COL19A1: variants seen among roughly 807,000 people sequenced by gnomAD.
The protein encoded by COL19A1 is collagen type XIX alpha 1 chain.
COL19A1 carries 159 observed loss-of-function variants against 190.2 expected under a neutral mutation model. That is an observed-to-expected ratio of 0.84 (90% confidence interval 0.73 to 0.95). COL19A1 has a LOEUF of 0.95. COL19A1 is among the 40% of genes least tolerant of loss of function. The probability of loss-of-function intolerance (pLI) is 0.00; values close to 1 mark genes in which losing one functional copy is unlikely to be tolerated. For synonymous variants in COL19A1, 509 were observed against 458.9 expected, an observed-to-expected ratio of 1.11 and a Z score of -1.39; for missense variants, 1,418 against 1,431.9, an observed-to-expected ratio of 0.99 and a Z score of 0.16.
chr6:70,149,275 G>GTTT (rs1786876964), intron 27 of COL19A1, among the ~76,000 whole-genome samples: 1 of 152,080 alleles, frequency 6.6e-6, no homozygotes, highest in Admixed American at 6.6e-5. Context: ...TCATTGATTA[G>GTTT]TGTTTTACCT....
Position 70,184,552 on chromosome 6 carries a change from T to G in COL19A1, c.2776-151T>G, listed in dbSNP as rs144500408. On this transcript the variant is annotated intron_variant, in intron 44 of 50. Transcript: ENST00000620364. Reference sequence around the variant, plus strand: ...AGAATCCGAACTCAGGACTGTCAGATTCTATTTATTTGTTTTCCATTTTAC... The same window carrying G: ...AGAATCCGAACTCAGGACTGTCAGAGTCTATTTATTTGTTTTCCATTTTAC... The G allele has an allele frequency of 3.1e-5, 20 of 643,894 alleles. No homozygotes were observed. The East Asian group carries it at 5.2e-4, about 17-fold the overall frequency. 39.9% of individuals were successfully genotyped at this position (643,894 alleles called of 1,614,324 possible).
chr6:69,931,363 A>C (rs1772749434), intron 6 of COL19A1, among the ~76,000 whole-genome samples: 1 of 152,198 alleles, frequency 6.6e-6, no homozygotes, highest in African/African-American at 2.4e-5. Flanking sequence ...AACAAAGCAT[A>C]AACTATTCTG....
At position 70,207,440 on chromosome 6, in the gene COL19A1, T is replaced by C. The variant is rs1007773928; in HGVS notation, c.*166T>C. 3 of 529,976 alleles carry C rather than the reference T, an allele frequency of 5.7e-6. No homozygotes were observed. The highest frequency in any genetic ancestry group is 4.2e-5 in the Admixed American group (1 of 23,706). The allele number at this position is 529,976 out of a possible 1,614,324, so 32.8% of individuals were successfully genotyped here. A position where few individuals can be genotyped will look rare whatever the true frequency, so the allele number is the denominator to read the frequency against. Reference sequence around the variant, plus strand: ...CGTTTGAATCCTATTCCTATAGCAATTGCAAATCAGCATTTTTTGATTTTT... The same window carrying C: ...CGTTTGAATCCTATTCCTATAGCAACTGCAAATCAGCATTTTTTGATTTTT... On this transcript the variant is annotated 3_prime_UTR_variant, in exon 51 of 51. Transcript: ENST00000620364.
At chr6:70,091,138 G>A (rs988321651) in intron 15 of COL19A1, among the ~76,000 whole-genome samples, 1 of 152,022 alleles carries the variant, frequency 6.6e-6, no homozygotes, top group Non-Finnish European at 1.5e-5. Flanking sequence ...TTAGTTCTTA[G>A]AGATGCAATA....
chr6:70,129,254 G>T (rs1020598237), intron 17 of COL19A1, among the ~76,000 whole-genome samples: 1 of 152,158 alleles, frequency 6.6e-6, no homozygotes, highest in African/African-American at 2.4e-5. Context: ...GTGTGCTGGG[G>T]AACTATATGC....
chr6:70,060,548 G>A (rs149091490), intron 14 of COL19A1, among the ~76,000 whole-genome samples: 118 of 152,178 alleles, frequency 7.8e-4, no homozygotes, highest in African/African-American at 2.6e-3. Context: ...CAGATCAGTG[G>A]CTGCATTAGA....
At chr6:69,892,496 C>G (rs1319677138) in intron 2 of COL19A1, among the ~76,000 whole-genome samples, 1 of 152,162 alleles carries the variant, frequency 6.6e-6, no homozygotes, top group South Asian at 2.1e-4. Flanking sequence ...TACTTTTATA[C>G]TTGGCCTGAT....
At position 70,207,216 on chromosome 6, in the gene COL19A1, A is replaced by G; in HGVS notation, c.3371A>G (p.Asn1124Ser). Residue 1124 changes from asparagine (N) to serine (S), a missense_variant, in exon 51 of 51, where the codon AAC becomes AGC. By Grantham distance (46) the Asn-to-Ser change is conservative (BLOSUM62 1). Transcript: ENST00000620364. ...CCCCCAGGACCCAGTGGAAGATGTAACCCAGAAGATTGCCTCTATCCTGTG... is the reference window on the plus strand; with the variant it reads ...CCCCCAGGACCCAGTGGAAGATGTAGCCCAGAAGATTGCCTCTATCCTGTG... ...QGPPGPSGRC[N>S]PEDCLYPVSH... 6.2e-7 allele frequency: 1 copy of G among 1,613,988 alleles called. No individual in the cohort carries two copies. The highest frequency in any genetic ancestry group is 8.5e-7 in the Non-Finnish European group (1 of 1,179,964).
intron 16 of COL19A1, among the ~76,000 whole-genome samples, chr6:70,118,734 T>C (rs1032922416): frequency 2.6e-5 from 4 of 152,184 alleles, no homozygotes; most frequent in Non-Finnish European, 5.9e-5. Flanking sequence ...TTTTTATGGG[T>C]TTATTAATCT....
At chr6:70,056,180 A>C (rs988341609) in intron 14 of COL19A1, among the ~76,000 whole-genome samples, 10 of 152,160 alleles carry the variant, frequency 6.6e-5, no homozygotes, top group Admixed American at 6.5e-4. Flanking sequence ...TATGGAAAAA[A>C]TTTGAAAGGA....
intron 5 of COL19A1, among the ~76,000 whole-genome samples, 198 bp from the exon 6 acceptor site, chr6:69,929,227 G>T (rs1772594441): frequency 6.6e-6 from 1 of 151,582 alleles, no homozygotes; most frequent in South Asian, 2.1e-4. Flanking sequence ...TCACCAGAAT[G>T]CCCCATTTCT....
chr6:70,120,228 A>G lies in COL19A1; in HGVS notation c.1279-1652A>G, dbSNP rs139647645. 3.4e-3 allele frequency among the ~76,000 whole-genome samples: 512 copies of G among 152,350 alleles called. 2 individuals carry two copies. Among genetic ancestry groups the G allele is most frequent in the African/African-American group, 0.011 (437 of 41,578 alleles). ...ACCCTCTCTTTTAACTAGATTGAAT[A>G]TGTATGAAGTTAAATTTACCTACTT... On this transcript the variant is annotated intron_variant, in intron 16 of 50. Transcript: ENST00000620364.
chr6:70,054,337 C>T (rs1223605606), intron 14 of COL19A1, among the ~76,000 whole-genome samples: 1 of 152,062 alleles, frequency 6.6e-6, no homozygotes, highest in Admixed American at 6.6e-5. Context: ...GTGACAAGAG[C>T]GAAACTCCTC....
chr6:69,874,555 T>C (rs1768020428), intron 1 of COL19A1, among the ~76,000 whole-genome samples: 1 of 151,992 alleles, frequency 6.6e-6, no homozygotes, highest in Admixed American at 6.6e-5. Context: ...ATCGAGACCA[T>C]CCTAGCTAAC....
chr6:70,176,401 A>T, intron 41 of COL19A1, 119 bp from the exon 42 acceptor site: 3 of 965,820 alleles, frequency 3.1e-6, no homozygotes, highest in Non-Finnish European at 3.0e-6. Context: ...TAATATCAAT[A>T]ACACTTATCA....
At chr6:70,167,342 A>G (rs1349658657) in intron 37 of COL19A1, among the ~76,000 whole-genome samples, 2 of 152,230 alleles carry the variant, frequency 1.3e-5, no homozygotes, top group Admixed American at 6.5e-5. Flanking sequence ...AAGACAAAAG[A>G]TTCTAACTAA....
At chr6:70,033,168 A>C (rs568101864) in intron 12 of COL19A1, among the ~76,000 whole-genome samples, 1 of 152,288 alleles carries the variant, frequency 6.6e-6, no homozygotes, top group Admixed American at 6.5e-5. Flanking sequence ...TTAAAGTATA[A>C]TACTACAATT....
At chr6:69,998,929 C>A (rs981588936) in intron 11 of COL19A1, among the ~76,000 whole-genome samples, 8 of 151,932 alleles carry the variant, frequency 5.3e-5, no homozygotes, top group Non-Finnish European at 1.0e-4. Flanking sequence ...TGTTAACATG[C>A]ATAACATTAA....
Position 70,161,964 on chromosome 6 carries a change from G to T in COL19A1, c.2346+11G>T. ...CCGACTGGACCCCCTGTAAGTATTT[G>T]TTAAAACGATTGCACTCACAGCTTA... On this transcript the variant is annotated intron_variant, in intron 35 of 50. Coordinates refer to ENST00000620364, the MANE Select transcript of COL19A1 (RefSeq NM_001858.6). 6.3e-7 allele frequency: 1 copy of T among 1,588,618 alleles called. No individual in the cohort carries two copies. Among genetic ancestry groups the T allele is most frequent in the Non-Finnish European group, 8.5e-7 (1 of 1,170,002 alleles).
Sources: gnomAD v4.1 joint callset for allele counts (sites outside exome capture counted in the v4.1 genomes callset) on GRCh38, gnomAD v4.1.1 for gene constraint, MANE v1.5 for transcripts, NCBI Gene and HGNC (gene_info 2026-07-23, HGNC 2026-07-21) for gene names.